The following ACAN variants were observed in gnomAD, a reference collection of about 807,000 sequenced individuals.
ACAN encodes the protein aggrecan, also known as aggrecan core protein.
Under a neutral mutation model 169.1 loss-of-function variants are expected in ACAN, and 47 were observed. The observed-to-expected ratio is 0.28, with a 90% CI of 0.22 to 0.35. ACAN has a LOEUF of 0.35. Ranked by LOEUF, ACAN falls within the 10% of genes least tolerant of loss-of-function variation. The pLI is 1.00. For synonymous variants in ACAN, 1,115 were observed against 1,112.2 expected (o/e 1.00, Z -0.05); for missense variants, 2,716 against 2,759.9 (o/e 0.98, Z 0.36).
rs545384855 is a variant in ACAN at position 88,828,743 on chromosome 15, G to C, written c.-7-7457G>C. ...CTCTTCTCTGCACTGCGTGGAGCTG[G>C]CATTTGGAATCTCAGGGAACTCCAG... On this transcript the variant is annotated intron_variant, in intron 1 of 18. Coordinates refer to ENST00000560601, the MANE Select transcript of ACAN (RefSeq NM_001369268.1). Among the ~76,000 whole-genome samples the C allele has an allele frequency of 1.2e-4, 19 of 152,260 alleles. No homozygotes were observed. In the East Asian group the frequency reaches 3.3e-3, roughly 26 times the overall value.
rs539158698 is a variant in ACAN at position 88,810,651 on chromosome 15, G to A, written c.-8+6842G>A. ...AGGAATGTAGTAAATGTTTTTCAAC[G>A]TCACAAGACACTGAAAAGGAGGCCT... On this transcript the variant is annotated intron_variant, in intron 1 of 18. Transcript: ENST00000560601. 1.1e-4 allele frequency among the ~76,000 whole-genome samples: 16 copies of A among 152,238 alleles called. No individual in the cohort carries two copies. In the South Asian group the frequency reaches 2.9e-3, roughly 28 times the overall value.
intron 1 of ACAN, among the ~76,000 whole-genome samples, chr15:88,831,702 C>G (rs1047568531): frequency 1.4e-4 from 21 of 152,314 alleles, no homozygotes; most frequent in African/African-American, 4.3e-4. Context: ...TACCATATGG[C>G]CTTGAGCAAC....
Position 88,866,796 on chromosome 15 carries a change from G to T in ACAN, c.6947-1420G>T. On this transcript the variant is annotated intron_variant, in intron 13 of 18. Coordinates refer to ENST00000560601, the MANE Select transcript of ACAN (RefSeq NM_001369268.1). The surrounding 1 kb of genome is among the most constrained non-coding windows in gnomAD (Gnocchi z 5.6). ...ATCAGAAGGTTGACTTTAAGGTCTG[G>T]TCTGCTCTTATGGGAGGCAAGAACT... is the stretch of plus-strand genomic sequence containing the variant. Among the ~76,000 whole-genome samples the T allele has an allele frequency of 6.6e-6, 1 of 152,248 alleles. No individual in the cohort carries two copies. Among genetic ancestry groups the T allele is most frequent in the East Asian group, 1.9e-4 (1 of 5,170 alleles).
intron 1 of ACAN, among the ~76,000 whole-genome samples, chr15:88,810,649 A>G (rs1288941464): frequency 1.3e-5 from 2 of 152,292 alleles, no homozygotes; most frequent in South Asian, 2.1e-4. Flanking sequence ...ATGTTTTTCA[A>G]CGTCACAAGA....
rs775681178 is a variant in ACAN at position 88,857,546 on chromosome 15, C to G, written c.4961C>G (p.Ser1654Cys). The G allele has an allele frequency of 3.7e-6, 6 of 1,613,846 alleles. No individual in the cohort carries two copies. Among genetic ancestry groups the G allele is most frequent in the Admixed American group, 1.7e-5 (1 of 60,008 alleles). Reference protein sequence around the residue: ...SGLPDFSGLPSGFPTVSLVDS... With the variant: ...SGLPDFSGLPCGFPTVSLVDS... ...CTGCCTGACTTTAGTGGACTTCCAT[C>G]TGGATTCCCAACTGTTTCCCTAGTG... The change falls in exon 12 of 19, where the codon TCT becomes TGT. Residue 1654 changes from serine to cysteine, a missense_variant. Coordinates refer to ENST00000560601, the MANE Select transcript of ACAN (RefSeq NM_001369268.1).
At chr15:88,834,065 C>G (rs1416721310) in intron 1 of ACAN, among the ~76,000 whole-genome samples, 1 of 152,184 alleles carries the variant, frequency 6.6e-6, no homozygotes, top group Admixed American at 6.5e-5. Context: ...CAACTCGTCA[C>G]ATGGGGCTTG....
chr15:88,847,337 C>T lies in ACAN; in HGVS notation c.1524C>T (p.Ala508=). 1 of 1,583,880 alleles carries T rather than the reference C, an allele frequency of 6.3e-7. No homozygotes were observed. The highest frequency in any genetic ancestry group is 8.6e-7 in the Non-Finnish European group (1 of 1,166,176). Residue 508 remains alanine (A), a synonymous_variant, in exon 8 of 19, where the codon GCC becomes GCT. Coordinates refer to ENST00000560601, the MANE Select transcript of ACAN (RefSeq NM_001369268.1). The part of the protein sequence containing the change: ...QACLRTGAVI[A]SPEQLQAAYE... ...GCCTGCGCACGGGGGCGGTCATTGC[C>T]TCGCCGGAGCAGCTCCAGGCCGCCT...
intron 1 of ACAN, among the ~76,000 whole-genome samples, chr15:88,811,871 C>G (rs61146196): frequency 0.022 from 3,326 of 152,234 alleles, 109 homozygotes; most frequent in African/African-American, 0.071. Context: ...GGCATCACCC[C>G]CACCCCAGAC....
chr15:88,841,806 G>A lies in ACAN; in HGVS notation c.696G>A (p.Thr232=), dbSNP rs767595242. 3.0e-5 allele frequency: 49 copies of A among 1,613,432 alleles called. No homozygotes were observed. Among genetic ancestry groups the A allele is most frequent in the Non-Finnish European group, 3.6e-5 (43 of 1,179,812 alleles). The part of the protein sequence containing the change: ...GDKDEFPGVR[T]YGIRDTNETY... ...AGGATGAGTTTCCTGGTGTGAGGAC[G>A]TATGGCATCCGAGACACCAACGAGA... Residue 232 remains threonine (T), a synonymous_variant, in exon 5 of 19, where the codon ACG becomes ACA. Transcript: ENST00000560601.
chr15:88,835,538 G>A (rs1896481187), intron 1 of ACAN, among the ~76,000 whole-genome samples: 1 of 152,232 alleles, frequency 6.6e-6, no homozygotes, highest in Non-Finnish European at 1.5e-5. Flanking sequence ...ACCTGGTGGT[G>A]TAATTCTAGT....
Position 88,861,487 on chromosome 15 carries a change from A to C in ACAN, c.6946+1048A>C, listed in dbSNP as rs1897192672. On this transcript the variant is annotated intron_variant, in intron 13 of 18. Transcript: ENST00000560601. This position sits in a 1 kb window ranked among gnomAD's most constrained non-coding sequence, Gnocchi z 6.3. ...CATGCAAATTAATACATCATTATATATTATTATATATCATATAAACATGCT... is the reference window on the plus strand; with the variant it reads ...CATGCAAATTAATACATCATTATATCTTATTATATATCATATAAACATGCT... Among the ~76,000 whole-genome samples the C allele has an allele frequency of 6.6e-6, 1 of 152,238 alleles. No individual in the cohort carries two copies. Among genetic ancestry groups the C allele is most frequent in the South Asian group, 2.1e-4 (1 of 4,824 alleles).
At chr15:88,810,407 C>T (rs1895791876) in intron 1 of ACAN, among the ~76,000 whole-genome samples, 1 of 152,116 alleles carries the variant, frequency 6.6e-6, no homozygotes, top group Non-Finnish European at 1.5e-5. Context: ...AGAGTTCAGC[C>T]TCCCATCTCC....
Position 88,873,955 on chromosome 15 carries a change from C to T in ACAN, c.7561C>T (p.Arg2521Cys), listed in dbSNP as rs781181702. The T allele has an allele frequency of 4.3e-6, 7 of 1,613,460 alleles. No individual in the cohort carries two copies. The highest frequency in any genetic ancestry group is 2.2e-5 in the East Asian group (1 of 44,866). The change falls in exon 18 of 19, where the codon CGC (arginine) becomes TGC (cysteine). Residue 2521 changes from arginine (R) to cysteine (C), a missense_variant. This residue lies in a region of ACAN where 1,389 missense variants were observed against 1,363.7 expected (regional missense o/e 1.02). Coordinates refer to ENST00000560601, the MANE Select transcript of ACAN (RefSeq NM_001369268.1). This position sits in a 1 kb window ranked among gnomAD's most constrained non-coding sequence, Gnocchi z 7.5. ...CCAGTGCACAGAGGGGTTTGTCCAG[C>T]GCCACATGCCCACCATCCGGTGCCA... ...RYQCTEGFVQ[R>C]HMPTIRCQPS...
intron 1 of ACAN, 43 bp downstream of exon 1, chr15:88,803,852 CCCGGCGAG>C (rs1395011321): frequency 6.6e-6 from 1 of 152,410 alleles, no homozygotes; most frequent in Admixed American, 6.5e-5. Context: ...TCCCAGGGCG[CCCGGCGAG>C]CCAGGAACGG....
Position 88,807,633 on chromosome 15 carries a change from G to A in ACAN, c.-8+3824G>A, listed in dbSNP as rs1411181392. 3.3e-5 allele frequency among the ~76,000 whole-genome samples: 5 copies of A among 152,198 alleles called. No individual in the cohort carries two copies. The highest frequency in any genetic ancestry group is 5.9e-5 in the Non-Finnish European group (4 of 68,038). ...AGGCGAGAGGAGGACCAGAGAGGGG[G>A]AATTTGTAGAGAAAACGGTAAAACG... On this transcript the variant is annotated intron_variant, in intron 1 of 18. Coordinates refer to ENST00000560601, the MANE Select transcript of ACAN (RefSeq NM_001369268.1). The surrounding 1 kb of genome is among the most constrained non-coding windows in gnomAD (Gnocchi z 4.0).
At position 88,872,670 on chromosome 15, in the gene ACAN, G is replaced by A. The variant is rs1897409045; in HGVS notation, c.7303-211G>A. On this transcript the variant is annotated intron_variant, in intron 16 of 18. Coordinates refer to ENST00000560601, the MANE Select transcript of ACAN (RefSeq NM_001369268.1). This position sits in a 1 kb window ranked among gnomAD's most constrained non-coding sequence, Gnocchi z 5.4. ...GAGAAGGACCTGAGCCAAGCTGTGT[G>A]ACTGATTCCCTAGAGGGCCACCGGG... Among the ~76,000 whole-genome samples, 1 of 152,158 alleles carries A rather than the reference G, an allele frequency of 6.6e-6. No individual in the cohort carries two copies. The highest frequency in any genetic ancestry group is 1.5e-5 in the Non-Finnish European group (1 of 68,022).
chr15:88,832,057 C>G (rs1896378081), intron 1 of ACAN, among the ~76,000 whole-genome samples: 1 of 152,148 alleles, frequency 6.6e-6, no homozygotes, highest in African/African-American at 2.4e-5. Context: ...ACAATTGGAG[C>G]TGCTCAGCCA....
intron 4 of ACAN, among the ~76,000 whole-genome samples, chr15:88,840,941 G>C (rs554575072): frequency 1.3e-5 from 2 of 152,098 alleles, no homozygotes; most frequent in Non-Finnish European, 2.9e-5. Flanking sequence ...TCAGGAGATC[G>C]AGACCATCCT....
intron 4 of ACAN, among the ~76,000 whole-genome samples, chr15:88,840,578 T>C (rs142574860): frequency 1.3e-5 from 2 of 152,306 alleles, no homozygotes; most frequent in Non-Finnish European, 2.9e-5. Context: ...CATCCTTCCC[T>C]GAGCGTAGTT....
Sources: allele counts gnomAD v4.1 joint callset (sites outside exome capture counted in the v4.1 genomes callset), GRCh38; gene constraint gnomAD v4.1.1; regional missense constraint gnomAD v4.1.1; non-coding constraint Gnocchi (gnomAD v3.1); transcripts MANE v1.5; gene names NCBI Gene and HGNC (gene_info 2026-07-23, HGNC 2026-07-21).